The following TRPC1 variants were observed in gnomAD, a reference collection of about 807,000 sequenced individuals.
The protein encoded by TRPC1 is short transient receptor potential channel 1.
A neutral mutation model predicts 88.2 loss-of-function variants in TRPC1; 42 were observed. The observed-to-expected ratio is 0.48, with a 90% confidence interval of 0.37 to 0.62. The LOEUF (loss-of-function observed/expected upper bound fraction) is 0.62. Among genes scored for constraint, TRPC1 ranks in the 20% least tolerant of loss-of-function variants. The pLI, the probability that TRPC1 is intolerant of heterozygous loss-of-function variation, is 0.00. For missense variants in TRPC1, 699 were observed against 957.3 expected, an observed-to-expected ratio of 0.73 and a Z score of 3.56; for synonymous variants, 288 against 331.8, an observed-to-expected ratio of 0.87 and a Z score of 1.43.
rs577578098 is a variant in TRPC1, at chr3:142,765,275, T to G, written c.633-12357T>G. On this transcript the variant is annotated intron_variant, in intron 4 of 12. Transcript: ENST00000476941. ...AAGCAATTTACAGATTCAATGCTAT[T>G]CTCGTCAAACTACCAACATCATTTT... 1.1e-3 allele frequency among the ~76,000 whole-genome samples: 165 copies of G among 152,254 alleles called. 1 individual carries two copies. Among genetic ancestry groups the G allele is most frequent in the Non-Finnish European group, 1.8e-3 (123 of 67,996 alleles).
chr3:142,725,176 C>T (rs1933625661), intron 1 of TRPC1, among the ~76,000 whole-genome samples: 1 of 152,208 alleles, frequency 6.6e-6, no homozygotes, highest in African/African-American at 2.4e-5. Flanking sequence ...GGGTTCTCAT[C>T]ACCTGGTTTT....
intron 1 of TRPC1, among the ~76,000 whole-genome samples, chr3:142,731,039 A>G (rs1036602180): frequency 6.6e-5 from 10 of 152,178 alleles, no homozygotes; most frequent in African/African-American, 2.2e-4. Context: ...TCTCCATTGT[A>G]TTTCTCAAGG....
chr3:142,738,867 A>G (rs1934240457), intron 2 of TRPC1, among the ~76,000 whole-genome samples: 1 of 152,030 alleles, frequency 6.6e-6, no homozygotes, highest in Non-Finnish European at 1.5e-5. Context: ...TATAATAACT[A>G]CTCTCTGCCA....
intron 4 of TRPC1, among the ~76,000 whole-genome samples, chr3:142,755,569 T>A (rs1475891363): frequency 6.6e-6 from 1 of 152,224 alleles, no homozygotes; most frequent in East Asian, 1.9e-4. Flanking sequence ...CCTTTTTTTA[T>A]TGTTTGCCTG....
chr3:142,804,223 C>A, intron 11 of TRPC1, 45 bp downstream of exon 11: 1 of 1,568,208 alleles, frequency 6.4e-7, no homozygotes, highest in Middle Eastern at 1.8e-4. Flanking sequence ...TCAGACCATA[C>A]TAAGTGCATA....
At chr3:142,753,325 A>G (rs1416719358) in intron 4 of TRPC1, among the ~76,000 whole-genome samples, 1 of 152,236 alleles carries the variant, frequency 6.6e-6, no homozygotes, top group Non-Finnish European at 1.5e-5. Flanking sequence ...GGAAACTGCA[A>G]ATGGTTTGGA....
At chr3:142,791,398 T>C (rs1411490932) in intron 8 of TRPC1, among the ~76,000 whole-genome samples, 6 of 152,044 alleles carry the variant, frequency 3.9e-5, no homozygotes, top group Non-Finnish European at 8.8e-5. Context: ...TGGTATACTT[T>C]ATCTCTTTTT....
chr3:142,804,426 T>A lies in TRPC1; in HGVS notation c.1960-10T>A. 6.3e-7 allele frequency: 1 copy of A among 1,599,616 alleles called. No individual in the cohort carries two copies. Among genetic ancestry groups the A allele is most frequent in the Non-Finnish European group, 8.5e-7 (1 of 1,174,584 alleles). On this transcript the variant is annotated splice_polypyrimidine_tract_variant and intron_variant, in intron 11 of 12. Transcript: ENST00000476941. ...ATTCTAGTTTGCTTTTTAATTTGCCTTTTATATAGAATCATGAAGACAAAG... is the reference window on the plus strand; with the variant it reads ...ATTCTAGTTTGCTTTTTAATTTGCCATTTATATAGAATCATGAAGACAAAG...
At chr3:142,728,869 A>G (rs1933788097) in intron 1 of TRPC1, among the ~76,000 whole-genome samples, 1 of 152,232 alleles carries the variant, frequency 6.6e-6, no homozygotes. Context: ...GAAACAAAAA[A>G]TGCAGAGTAC....
In TRPC1 at chr3:142,753,364, G is replaced by A. The variant is rs1045800833; in HGVS notation, c.632+4904G>A. Among the ~76,000 whole-genome samples, 89 of 152,208 alleles carry A rather than the reference G, an allele frequency of 5.8e-4. 1 individual carries two copies. Among genetic ancestry groups the A allele is most frequent in the Admixed American group, 1.3e-4 (2 of 15,276 alleles). On this transcript the variant is annotated intron_variant, in intron 4 of 12. Coordinates refer to ENST00000476941, the MANE Select transcript of TRPC1 (RefSeq NM_001251845.2). ...TTAACAGTAGAGTTTGAGAGAGTTT[G>A]TTAATGATCTTTGAGAAAACATTTG... is the stretch of plus-strand genomic sequence containing the variant.
chr3:142,802,382 CTTTT>C, intron 10 of TRPC1, 38 bp downstream of exon 10: 1 of 1,105,050 alleles, frequency 9.0e-7, no homozygotes, highest in Non-Finnish European at 1.2e-6. Context: ...ATATATTTGT[CTTTT>C]TTTTTTTTAC....
intron 1 of TRPC1, among the ~76,000 whole-genome samples, chr3:142,731,862 C>T (rs1051937672): frequency 3.3e-5 from 5 of 152,038 alleles, no homozygotes; most frequent in Admixed American, 2.0e-4. Context: ...AAAAAAATTT[C>T]GTAACACATG....
chr3:142,797,879 G>C (rs561825465), intron 9 of TRPC1, among the ~76,000 whole-genome samples: 1 of 152,100 alleles, frequency 6.6e-6, no homozygotes, highest in Non-Finnish European at 1.5e-5. Flanking sequence ...TTTATTTCTA[G>C]TGAATTATTT....
intron 4 of TRPC1, among the ~76,000 whole-genome samples, chr3:142,753,924 G>A (rs1481806501): frequency 4.0e-5 from 6 of 151,478 alleles, no homozygotes; most frequent in Non-Finnish European, 5.9e-5. Context: ...GCTAGACCTT[G>A]TCTTTACAAA....
chr3:142,792,991 G>A lies in TRPC1; in HGVS notation c.1581+24G>A, dbSNP rs762972981. ...AGGTAAATAATTAAAATTTCTTAAA[G>A]AACATTTTTTAGATGTCATTATTGT... On this transcript the variant is annotated intron_variant, in intron 9 of 12. Transcript: ENST00000476941. This position sits in a 1 kb window ranked among gnomAD's most constrained non-coding sequence, Gnocchi z 4.0. The A allele has an allele frequency of 1.3e-6, 2 of 1,554,298 alleles. No homozygotes were observed. Among genetic ancestry groups the A allele is most frequent in the South Asian group, 2.4e-5 (2 of 82,726 alleles).
chr3:142,800,730 A>T (rs914397692), intron 9 of TRPC1, among the ~76,000 whole-genome samples: 14 of 152,008 alleles, frequency 9.2e-5, no homozygotes, highest in Non-Finnish European at 1.9e-4. Flanking sequence ...CATTTTGGAC[A>T]ACATAGTGAA....
At chr3:142,726,543 A>G (rs998295755) in intron 1 of TRPC1, among the ~76,000 whole-genome samples, 3 of 152,174 alleles carry the variant, frequency 2.0e-5, no homozygotes, top group African/African-American at 7.2e-5. Context: ...GAAATTTTTA[A>G]AACAAGTGAG....
chr3:142,806,224 C>A lies in TRPC1; in HGVS notation c.2371C>A (p.Pro791Thr). 2.5e-6 allele frequency: 4 copies of A among 1,599,012 alleles called. No individual in the cohort carries two copies. The highest frequency in any genetic ancestry group is 3.4e-6 in the Non-Finnish European group (4 of 1,168,726). ...GACTTCTAAATATGCTATGTTTTAT[C>A]CAAGAAATTAACCATTTTCTAAATC... ...FRTSKYAMFYPRN is the reference protein window; with the variant it reads ...FRTSKYAMFYTRN Residue 791 changes from proline to threonine, a missense_variant, in exon 13 of 13, where the codon CCA (proline) becomes ACA (threonine). Physicochemically the swap from Pro to Thr is conservative, Grantham distance 38. Coordinates refer to ENST00000476941, the MANE Select transcript of TRPC1 (RefSeq NM_001251845.2).
chr3:142,800,595 T>C (rs907554333), intron 9 of TRPC1, among the ~76,000 whole-genome samples: 10 of 151,950 alleles, frequency 6.6e-5, no homozygotes, highest in African/African-American at 2.4e-4. Context: ...TGAGGAAGGG[T>C]TGTTTCAAAA....
Sources: gnomAD v4.1 joint callset for allele counts (sites outside exome capture counted in the v4.1 genomes callset) on GRCh38, gnomAD v4.1.1 for gene constraint, Gnocchi (gnomAD v3.1) non-coding constraint, MANE v1.5 for transcripts, NCBI Gene and HGNC (gene_info 2026-07-23, HGNC 2026-07-21) for gene names.